Variants in LINS1 observed in about 807,000 individuals in gnomAD.
LINS1 encodes lines homolog 1, also known as protein Lines homolog 1.
A neutral mutation model predicts 41.6 loss-of-function variants in LINS1; 27 were observed. The observed-to-expected ratio is 0.65, with a 90% CI of 0.48 to 0.89. LINS1 has a LOEUF of 0.89. LINS1 is among the 40% of genes least tolerant of loss of function. The probability of loss-of-function intolerance (pLI) is 0.00; values close to 1 mark genes in which losing one functional copy is unlikely to be tolerated. For synonymous variants in LINS1, 336 were observed against 312.9 expected (o/e 1.07, Z -0.78); for missense variants, 955 against 884.1 (o/e 1.08, Z -1.02).
Position 100,568,940 on chromosome 15 carries a change from T to A in LINS1, c.*298A>T, listed in dbSNP as rs2037648791. The A allele has an allele frequency of 7.9e-6, 2 of 253,096 alleles. No homozygotes were observed. Among genetic ancestry groups the A allele is most frequent in the African/African-American group, 2.3e-5 (1 of 43,514 alleles). The allele number at this position is 253,096 out of a possible 1,614,324, so 15.7% of individuals were successfully genotyped here. ...GGAGTTTGAGACCAGCCTGGCAACA[T>A]GGTGAAACCCCCGTCTCTACTAAAA... On this transcript the variant is annotated 3_prime_UTR_variant, in exon 7 of 7. Transcript: ENST00000314742.
At chr15:100,592,313 G>A (rs554147359) in intron 1 of LINS1, among the ~76,000 whole-genome samples, 4 of 152,232 alleles carry the variant, frequency 2.6e-5, no homozygotes, top group South Asian at 2.1e-4. Context: ...TGTTCAAGAC[G>A]CCAAGAACCT....
Position 100,573,919 on chromosome 15 carries a change from T to G in LINS1, c.954A>C (p.Gly318=). Residue 318 remains glycine, a synonymous_variant, in exon 5 of 7, where the codon GGA becomes GGC. Coordinates refer to ENST00000314742, the MANE Select transcript of LINS1 (RefSeq NM_001040616.3). The stretch of plus-strand genomic sequence containing the variant: ...CTGGCGGCATTAAGGCAGGCACAGA[T>G]CCACGACAGAGGTCTTCACCCACTT... ...LCKVGEDLCR[G]SVPALMPPDH... is the part of the protein sequence containing the mutation. 1 of 1,614,248 alleles carries G rather than the reference T, an allele frequency of 6.2e-7. No homozygotes were observed. Among genetic ancestry groups the G allele is most frequent in the Non-Finnish European group, 8.5e-7 (1 of 1,180,038 alleles).
chr15:100,596,749 A>G (rs2039263723), intron 1 of LINS1, among the ~76,000 whole-genome samples: 1 of 152,246 alleles, frequency 6.6e-6, no homozygotes, highest in African/African-American at 2.4e-5. Context: ...GGAAAGGGCT[A>G]CCTGGGGACC....
At chr15:100,600,603 G>A (rs1297544991) in intron 1 of LINS1, among the ~76,000 whole-genome samples, 3 of 120,984 alleles carry the variant, frequency 2.5e-5, no homozygotes, top group East Asian at 2.1e-4. Flanking sequence ...TCGAAAGACC[G>A]AAAGCTACTA....
intron 1 of LINS1, among the ~76,000 whole-genome samples, chr15:100,595,976 CT>C: frequency 6.6e-6 from 1 of 152,344 alleles, no homozygotes; most frequent in South Asian, 2.1e-4. Context: ...CCTCCCTCCC[CT>C]ATTAAAAGAA....
In LINS1 at chr15:100,574,245, CAATTATAAAAATAGG is replaced by C; in HGVS notation, c.632-19_632-5del. 6.5e-7 allele frequency: 1 copy of C among 1,544,432 alleles called. No individual in the cohort carries two copies. Among genetic ancestry groups the C allele is most frequent in the East Asian group, 2.2e-5 (1 of 44,596 alleles). On this transcript the variant is annotated splice_polypyrimidine_tract_variant and splice_region_variant and intron_variant, in intron 4 of 6. Coordinates refer to ENST00000314742, the MANE Select transcript of LINS1 (RefSeq NM_001040616.3). Reference sequence around the variant, plus strand: ...GTCAGGAACTGCTTTAGAATTTCTGCAATTATAAAAATAGGAATTATAAACAGGAAAAACAGTCTT... The same window carrying C: ...GTCAGGAACTGCTTTAGAATTTCTGCAATTATAAACAGGAAAAACAGTCTT...
chr15:100,590,698 A>C (rs1172393721), intron 1 of LINS1, among the ~76,000 whole-genome samples: 1 of 152,240 alleles, frequency 6.6e-6, no homozygotes, highest in African/African-American at 2.4e-5. Flanking sequence ...TGGCCTATGG[A>C]GAAATACATC....
At chr15:100,571,110 A>G (rs2037799202) in intron 6 of LINS1, among the ~76,000 whole-genome samples, 1 of 152,200 alleles carries the variant, frequency 6.6e-6, no homozygotes, top group African/African-American at 2.4e-5. Context: ...GGACCTTTTG[A>G]AAATTGGCCC....
At chr15:100,579,648 G>A (rs1465319778) in intron 3 of LINS1, among the ~76,000 whole-genome samples, 15 of 151,966 alleles carry the variant, frequency 9.9e-5, no homozygotes, top group Admixed American at 9.8e-4. Context: ...TAGTTGAAAA[G>A]TCAGTAGATA....
intron 1 of LINS1, among the ~76,000 whole-genome samples, chr15:100,582,860 A>G (rs891903437): frequency 6.7e-6 from 1 of 149,180 alleles, no homozygotes; most frequent in Admixed American, 6.6e-5. Flanking sequence ...TCTTGGTCTT[A>G]CACTGGGTCT....
chr15:100,573,268 G>A (rs2037946403), intron 5 of LINS1: 2 of 574,292 alleles, frequency 3.5e-6, no homozygotes, highest in African/African-American at 4.0e-5. Context: ...GGCCGAAGGG[G>A]GGTCAGGGCT....
rs56911211 is a variant in LINS1 at position 100,600,551 on chromosome 15, C to CAAAAAAAAAAAAAAAAAAAAAAA, written c.-104+1569_-104+1570insTTTTTTTTTTTTTTTTTTTTTTT. On this transcript the variant is annotated intron_variant, in intron 1 of 6. Transcript: ENST00000314742. Reference sequence around the variant, plus strand: ...TTTACATTGGAGTCCTGCTGTTAAGCAAAAAAAAAAAAAAAAAAAACAGGG... The same window carrying CAAAAAAAAAAAAAAAAAAAAAAA: ...TTTACATTGGAGTCCTGCTGTTAAGCAAAAAAAAAAAAAAAAAAAAAAAAAAAAAAAAAAAAAAAAAAACAGGG... Among the ~76,000 whole-genome samples the CAAAAAAAAAAAAAAAAAAAAAAA allele has an allele frequency of 6.3e-5, 5 of 79,678 alleles. 1 individual carries two copies. The highest frequency in any genetic ancestry group is 2.7e-4 in the African/African-American group (4 of 15,010). The allele number at this position is 79,678 out of a possible 152,430, so 52.3% of individuals were successfully genotyped here.
At chr15:100,588,964 G>A (rs988843420) in intron 1 of LINS1, among the ~76,000 whole-genome samples, 3 of 152,200 alleles carry the variant, frequency 2.0e-5, no homozygotes, top group African/African-American at 7.2e-5. Flanking sequence ...TGTACAATTT[G>A]CCTGTTTTAC....
At chr15:100,595,519 G>T (rs2039206724) in intron 1 of LINS1, among the ~76,000 whole-genome samples, 1 of 152,150 alleles carries the variant, frequency 6.6e-6, no homozygotes, top group South Asian at 2.1e-4. Context: ...TCCAAATGCT[G>T]GGGAGGATGC....
intron 3 of LINS1, among the ~76,000 whole-genome samples, chr15:100,578,306 A>ATG (rs2038312984): frequency 6.6e-6 from 1 of 152,224 alleles, no homozygotes; most frequent in African/African-American, 2.4e-5. Flanking sequence ...AGAATCTACA[A>ATG]ATAACTCAAA....
At chr15:100,596,698 G>A (rs1042790617) in intron 1 of LINS1, among the ~76,000 whole-genome samples, 3 of 152,164 alleles carry the variant, frequency 2.0e-5, no homozygotes, top group African/African-American at 7.2e-5. Flanking sequence ...AGATACACAA[G>A]TAAAAGCTTG....
At position 100,574,200 on chromosome 15, in the gene LINS1, C is replaced by T; in HGVS notation, c.673G>A (p.Glu225Lys). The change falls in exon 5 of 7, where the codon GAA (glutamate) becomes AAA (lysine). Residue 225 changes from glutamate (E) to lysine (K), a missense_variant. Transcript: ENST00000314742. The part of the protein sequence containing the change: ...QFLTHFDTIF[E>K]VFYNSLFSQH... ...GAGAATAAGGAATTGTAAAACACTT[C>T]AAAAATGGTGTCGAAATGAGTCAGG... The T allele has an allele frequency of 1.9e-6, 3 of 1,612,794 alleles. No individual in the cohort carries two copies. The highest frequency in any genetic ancestry group is 2.5e-6 in the Non-Finnish European group (3 of 1,179,200).
intron 5 of LINS1, chr15:100,573,308 T>G: frequency 1.0e-6 from 1 of 976,336 alleles, no homozygotes; most frequent in Non-Finnish European, 1.3e-6. Flanking sequence ...CACCTGCAGT[T>G]TAGATTAAAA....
At position 100,572,040 on chromosome 15, in the gene LINS1, C is replaced by T. The variant is rs760451391; in HGVS notation, c.1248G>A (p.Glu416=). ...VKVDLQRFMS[E]LLTFLKPHLQ... is the part of the protein sequence containing the mutation. ...GATGAGGCTTTAAGAAGGTCAGTAA[C>T]TCAGACATGAACCTCTGTAAGTCAA... Residue 416 remains glutamate (E), a synonymous_variant, in exon 6 of 7, where the codon GAG becomes GAA. Transcript: ENST00000314742. 1.2e-6 allele frequency: 2 copies of T among 1,614,164 alleles called. No homozygotes were observed. Among genetic ancestry groups the T allele is most frequent in the South Asian group, 1.1e-5 (1 of 91,080 alleles).
Sources: allele counts gnomAD v4.1 joint callset (sites outside exome capture counted in the v4.1 genomes callset), GRCh38; gene constraint gnomAD v4.1.1; transcripts MANE v1.5; gene names NCBI Gene and HGNC (gene_info 2026-07-23, HGNC 2026-07-21).